ATXN2: variants seen among roughly 807,000 people sequenced by gnomAD.
ATXN2 encodes the protein ataxin 2.
Under a neutral mutation model 138.6 loss-of-function variants are expected in ATXN2, and 37 were observed. That is an observed-to-expected ratio of 0.27 (90% CI 0.21 to 0.35). The LOEUF is 0.35. ATXN2 is among the 10% of genes least tolerant of loss of function. ATXN2 has a pLI of 1.00. For missense variants in ATXN2, 1,216 were observed against 1,480.3 expected, an observed-to-expected ratio of 0.82 and a Z score of 2.93; for synonymous variants, 549 against 543.7, an observed-to-expected ratio of 1.01 and a Z score of -0.13.
chr12:111,533,330 T>G (rs1880951799), intron 5 of ATXN2, among the ~76,000 whole-genome samples: 1 of 152,174 alleles, frequency 6.6e-6, no homozygotes, highest in South Asian at 2.1e-4. Flanking sequence ...CAGGGATGCT[T>G]AAGTCCCTGA....
chr12:111,580,241 G>A (rs1226368373), intron 1 of ATXN2, among the ~76,000 whole-genome samples: 2 of 152,040 alleles, frequency 1.3e-5, no homozygotes, highest in South Asian at 4.2e-4. Context: ...AACACTTTGG[G>A]AGGCCAAGGC....
At chr12:111,544,196 CA>C (rs1229233402) in intron 5 of ATXN2, among the ~76,000 whole-genome samples, 2 of 152,142 alleles carry the variant, frequency 1.3e-5, no homozygotes, top group African/African-American at 4.8e-5. Context: ...ACTAGGTTCT[CA>C]AAAGGGACCC....
At chr12:111,498,018 A>G (rs1477847646) in intron 14 of ATXN2, among the ~76,000 whole-genome samples, 1 of 152,098 alleles carries the variant, frequency 6.6e-6, no homozygotes, top group Admixed American at 6.6e-5. Context: ...TCCATCTCAA[A>G]AACAAACAAA....
chr12:111,495,216 G>A (rs1242378883), intron 14 of ATXN2, among the ~76,000 whole-genome samples: 2 of 151,292 alleles, frequency 1.3e-5, no homozygotes, highest in South Asian at 2.1e-4. Context: ...GCTGAGGCAG[G>A]AGAATCGCTT....
intron 5 of ATXN2, among the ~76,000 whole-genome samples, chr12:111,530,281 G>T (rs766182624): frequency 5.3e-5 from 8 of 152,192 alleles, no homozygotes; most frequent in Admixed American, 2.0e-4. Flanking sequence ...TTTCCTGTAG[G>T]AACTAGGAGC....
At chr12:111,482,680 T>C (rs753838439) in intron 18 of ATXN2, 3 of 151,814 alleles carry the variant, frequency 2.0e-5, no homozygotes, top group African/African-American at 4.8e-5. Context: ...TGGTGATACA[T>C]GAACACCTTA....
Position 111,485,867 on chromosome 12 carries a change from T to A in ATXN2, c.2305-2A>T, listed in dbSNP as rs1424163614. On this transcript the variant is annotated splice_acceptor_variant, in intron 16 of 24. Coordinates refer to ENST00000673436, the MANE Select transcript of ATXN2 (RefSeq NM_001372574.1). LOFTEE classifies it high-confidence loss of function. The stretch of plus-strand genomic sequence containing the variant: ...AGTTGGGGTAGTAGAAGGCTTTGGC[T>A]ACAAAAACAACAATAAATTCAATTA... 1.9e-6 allele frequency: 3 copies of A among 1,613,214 alleles called. No homozygotes were observed. The African/African-American group carries it at 4.0e-5, about 22-fold the overall frequency.
chr12:111,568,326 T>A (rs1038768568), intron 1 of ATXN2, among the ~76,000 whole-genome samples: 2 of 152,068 alleles, frequency 1.3e-5, no homozygotes, highest in Non-Finnish European at 2.9e-5. Flanking sequence ...ATTGGTACTG[T>A]CACCATACAA....
At position 111,582,993 on chromosome 12, in the gene ATXN2, GT is replaced by G. The variant is rs374845735; in HGVS notation, c.251+15790del. On this transcript the variant is annotated intron_variant, in intron 1 of 24. Transcript: ENST00000673436. Reference sequence around the variant, plus strand: ...AGTATCTCAGTTTTTTTTTTTGTTTGTTTTTTTTTTTTTTTTGGAGACAGAG... The same window carrying G: ...AGTATCTCAGTTTTTTTTTTTGTTTGTTTTTTTTTTTTTTTGGAGACAGAG... Among the ~76,000 whole-genome samples, 515 of 99,850 alleles carry G rather than the reference GT, an allele frequency of 5.2e-3. 4 individuals carry two copies. The highest frequency in any genetic ancestry group is 0.04 in the East Asian group (137 of 3,420). The allele number at this position is 99,850 out of a possible 152,430, so 65.5% of individuals were successfully genotyped here.
rs1013000123 is a variant in ATXN2, at chr12:111,495,748, A to T, written c.1936-6968T>A. Among the ~76,000 whole-genome samples the T allele has an allele frequency of 6.6e-5, 10 of 152,192 alleles. 1 individual carries two copies. Among genetic ancestry groups the T allele is most frequent in the Admixed American group, 2.0e-4 (3 of 15,266 alleles). ...TCTATAGACCAAATAGGCCCAATACATATTTACAGAACATTGTGTCCAACA... is the reference window on the plus strand; with the variant it reads ...TCTATAGACCAAATAGGCCCAATACTTATTTACAGAACATTGTGTCCAACA... On this transcript the variant is annotated intron_variant, in intron 14 of 24. Transcript: ENST00000673436.
At chr12:111,593,014 C>T (rs1884755587) in intron 1 of ATXN2, among the ~76,000 whole-genome samples, 2 of 151,848 alleles carry the variant, frequency 1.3e-5, no homozygotes, top group Non-Finnish European at 1.5e-5. Flanking sequence ...AAAAACAATA[C>T]TTTGCTAAGG....
In ATXN2 at chr12:111,467,307, C is replaced by CTTTTT. The variant is rs61507608; in HGVS notation, c.2843-2597_2843-2593dup. Among the ~76,000 whole-genome samples the CTTTTT allele has an allele frequency of 3.8e-3, 133 of 34,834 alleles. 37 individuals are homozygous for CTTTTT. The highest frequency in any genetic ancestry group is 0.017 in the African/African-American group (112 of 6,564). The allele number at this position is 34,834 out of a possible 152,430, so 22.9% of individuals were successfully genotyped here. A position where few individuals can be genotyped will look rare whatever the true frequency, so the allele number is the denominator to read the frequency against. On this transcript the variant is annotated intron_variant, in intron 20 of 24. Transcript: ENST00000673436. ...ACAGGCATGTGCCACCATGACTGGG[C>CTTTTT]TTTTTTTTTTTTTTTTTTTTTTTTT...
At chr12:111,460,917 G>A (rs1377391415) in intron 21 of ATXN2, among the ~76,000 whole-genome samples, 1 of 152,110 alleles carries the variant, frequency 6.6e-6, no homozygotes, top group Non-Finnish European at 1.5e-5. Flanking sequence ...TACCCAAGCT[G>A]AGTGAATGTA....
Position 111,456,059 on chromosome 12 carries a change from G to A in ATXN2, c.3240C>T (p.Thr1080=). The change falls in exon 23 of 25, where the codon ACC becomes ACT. Residue 1080 remains threonine, a synonymous_variant. Coordinates refer to ENST00000673436, the MANE Select transcript of ATXN2 (RefSeq NM_001372574.1). ...GTACGTGGGCCATGTGGGGTGGGTT[G>A]GTATACGCCGGCTGAACGTGAGAAG... ...IHPSHVQPAY[T]NPPHMAHVPQ... 1.2e-6 allele frequency: 2 copies of A among 1,614,196 alleles called. No individual in the cohort carries two copies. The highest frequency in any genetic ancestry group is 1.7e-6 in the Non-Finnish European group (2 of 1,180,040).
Position 111,586,679 on chromosome 12 carries a change from C to T in ATXN2, c.251+12105G>A, listed in dbSNP as rs531636997. The stretch of plus-strand genomic sequence containing the variant: ...GGGATTACAGGGGTGAGCCACCACG[C>T]CCGGCCCTTTTTCTGTTTTTCAGTA... On this transcript the variant is annotated intron_variant, in intron 1 of 24. Transcript: ENST00000673436. Among the ~76,000 whole-genome samples, 88 of 152,068 alleles carry T rather than the reference C, an allele frequency of 5.8e-4. 1 individual carries two copies. Among genetic ancestry groups the T allele is most frequent in the Non-Finnish European group, 9.3e-4 (63 of 67,970 alleles).
rs536560720 is a variant in ATXN2 at position 111,462,977 on chromosome 12, T to TATACACACAC, written c.2896+1684_2896+1685insGTGTGTGTAT. Among the ~76,000 whole-genome samples, 7 of 147,740 alleles carry TATACACACAC rather than the reference T, an allele frequency of 4.7e-5. No individual in the cohort carries two copies. In the East Asian group the frequency reaches 6.0e-4, roughly 13 times the overall value. ...ATACACACATACATATATATATATA[T>TATACACACAC]ACACACACACACACACACACACACA... On this transcript the variant is annotated intron_variant, in intron 21 of 24. Coordinates refer to ENST00000673436, the MANE Select transcript of ATXN2 (RefSeq NM_001372574.1).
At chr12:111,560,663 T>C (rs1208334410) in intron 1 of ATXN2, among the ~76,000 whole-genome samples, 1 of 151,146 alleles carries the variant, frequency 6.6e-6, no homozygotes, top group Non-Finnish European at 1.5e-5. Context: ...ATTAGACAAA[T>C]AAGCAAATAA....
chr12:111,458,149 GTTTT>G (rs1482562756), intron 21 of ATXN2: 2 of 149,812 alleles, frequency 1.3e-5, no homozygotes, highest in Non-Finnish European at 2.9e-5. Flanking sequence ...TCAGTTTTTT[GTTTT>G]TTGTTTTTTT....
chr12:111,554,266 A>G (rs1343410816), intron 2 of ATXN2, 49 bp from the exon 3 acceptor site: 4 of 1,228,486 alleles, frequency 3.3e-6, no homozygotes, highest in Non-Finnish European at 4.4e-6. Context: ...TACAAACTGA[A>G]TCTTCCTCAT....
Sources: gnomAD v4.1 joint callset for allele counts (sites outside exome capture counted in the v4.1 genomes callset) on GRCh38, gnomAD v4.1.1 for gene constraint, MANE v1.5 for transcripts, NCBI Gene and HGNC (gene_info 2026-07-23, HGNC 2026-07-21) for gene names.